The following GALK2 variants were observed in gnomAD, a reference collection of about 807,000 sequenced individuals.
GALK2 encodes the protein galactokinase 2.
A neutral mutation model predicts 52.4 loss-of-function variants in GALK2; 36 were observed. The ratio of observed to expected loss-of-function variants is 0.69; its 90% CI spans 0.53 to 0.91. The LOEUF is 0.91. Ranked by LOEUF, GALK2 falls within the 40% of genes least tolerant of loss-of-function variation. The pLI, the probability that GALK2 is intolerant of heterozygous loss-of-function variation, is 0.00. For missense variants in GALK2, 579 were observed against 559.1 expected (o/e 1.04, Z -0.36); for synonymous variants, 176 against 199.1 (o/e 0.88, Z 0.98).
chr15:49,258,794 A>ATGTG (rs35306007), intron 5 of GALK2, among the ~76,000 whole-genome samples: 7 of 103,806 alleles, frequency 6.7e-5, no homozygotes, highest in East Asian at 5.1e-4. Context: ...ATATATATAT[A>ATGTG]TGTGTGTGTG....
At chr15:49,181,453 A>G (rs191256329) in intron 1 of GALK2, among the ~76,000 whole-genome samples, 6 of 151,510 alleles carry the variant, frequency 4.0e-5, no homozygotes, top group Admixed American at 2.6e-4. Flanking sequence ...CTCCTTTCAA[A>G]GAGTACTTAG....
intron 1 of GALK2, 167 bp downstream of exon 1, chr15:49,170,542 C>A: frequency 1.6e-6 from 1 of 630,444 alleles, no homozygotes; most frequent in Non-Finnish European, 2.8e-6. Context: ...AAAAAGATCA[C>A]GCCGCAAACA....
chr15:49,357,856 A>G (rs369622549), intron 3 of GALK2, among the ~76,000 whole-genome samples: 1 of 151,996 alleles, frequency 6.6e-6, no homozygotes, highest in African/African-American at 2.4e-5. Flanking sequence ...CTGGCAAAAC[A>G]AATCCAGCAG....
chr15:49,221,633 C>T (rs751495780), intron 3 of GALK2, among the ~76,000 whole-genome samples: 6 of 151,744 alleles, frequency 4.0e-5, no homozygotes, highest in Admixed American at 1.3e-4. Flanking sequence ...TGACACTGCA[C>T]TCCAGCCTGG....
chr15:49,355,190 C>G (rs2042929537), intron 3 of GALK2, among the ~76,000 whole-genome samples: 1 of 152,124 alleles, frequency 6.6e-6, no homozygotes, highest in African/African-American at 2.4e-5. Context: ...CGCCTCTCCT[C>G]CTCCAAAGGA....
chr15:49,199,609 C>G (rs936975192), intron 1 of GALK2, among the ~76,000 whole-genome samples: 13 of 152,132 alleles, frequency 8.5e-5, no homozygotes, highest in African/African-American at 2.9e-4. Context: ...ATGAATTTAT[C>G]TTTCCTGTAT....
At chr15:49,366,693 TG>T in intron 3 of GALK2, 1 of 1,443,044 alleles carries the variant, frequency 6.9e-7, no homozygotes, top group Non-Finnish European at 9.6e-7. Flanking sequence ...ATCGGACTGG[TG>T]GGTGGCGGGT....
At chr15:49,206,344 T>G (rs1595662286) in intron 2 of GALK2, among the ~76,000 whole-genome samples, 1 of 151,958 alleles carries the variant, frequency 6.6e-6, no homozygotes. Context: ...TATAATTGTT[T>G]TTTCTAAGTC....
Position 49,367,590 on chromosome 15 carries a change from C to T in GALK2, c.*54C>T. On this transcript the variant is annotated 3_prime_UTR_variant, in exon 4 of 4. Transcript: ENST00000558399. Reference sequence around the variant, plus strand: ...AAGAGAACACGATTAAACTCTGGACCAGTACTACTATAGTGCGACTGTAAG... The same window carrying T: ...AAGAGAACACGATTAAACTCTGGACTAGTACTACTATAGTGCGACTGTAAG... 1.9e-6 allele frequency: 3 copies of T among 1,596,062 alleles called. No individual in the cohort carries two copies. In the South Asian group the frequency reaches 3.5e-5, roughly 18 times the overall value.
chr15:49,302,325 C>T (rs1200324289), intron 8 of GALK2, among the ~76,000 whole-genome samples: 2 of 152,058 alleles, frequency 1.3e-5, no homozygotes, highest in African/African-American at 4.8e-5. Context: ...TCCTTTATGG[C>T]TATTTCCCAT....
upstream of GALK2, among the ~76,000 whole-genome samples, chr15:49,168,090 T>A (rs1232892311): frequency 6.6e-6 from 1 of 152,222 alleles, no homozygotes; most frequent in Non-Finnish European, 1.5e-5. Context: ...CTGTTAATCC[T>A]GTTTTACTTT....
chr15:49,216,181 C>A lies in GALK2; in HGVS notation c.143-1009C>A, dbSNP rs555590808. Among the ~76,000 whole-genome samples the A allele has an allele frequency of 5.3e-5, 8 of 152,174 alleles. No individual in the cohort carries two copies. In the East Asian group the frequency reaches 1.5e-3, roughly 29 times the overall value. On this transcript the variant is annotated intron_variant, in intron 2 of 9. Coordinates refer to ENST00000560031, the MANE Select transcript of GALK2 (RefSeq NM_002044.4). ...GCACTGTGCTAGGTCACACCTGAAGCCTGTATAATACTGGATCTTGCCTGG... is the reference window on the plus strand; with the variant it reads ...GCACTGTGCTAGGTCACACCTGAAGACTGTATAATACTGGATCTTGCCTGG...
chr15:49,167,777 G>C (rs1417495335), upstream of GALK2, among the ~76,000 whole-genome samples: 1 of 152,204 alleles, frequency 6.6e-6, no homozygotes, highest in Admixed American at 6.5e-5. Context: ...AAGGTTTAAA[G>C]AGACAATAAT....
chr15:49,270,647 G>A (rs1413060651), intron 5 of GALK2, among the ~76,000 whole-genome samples: 1 of 152,144 alleles, frequency 6.6e-6, no homozygotes, highest in Non-Finnish European at 1.5e-5. Context: ...ACATGTCAAA[G>A]TGTTTGCGAA....
intron 2 of GALK2, among the ~76,000 whole-genome samples, chr15:49,210,175 A>G (rs1222365271): frequency 6.7e-6 from 1 of 148,520 alleles, no homozygotes; most frequent in East Asian, 1.9e-4. Context: ...TGTCACTTGT[A>G]ATGTCTCCTT....
At chr15:49,266,382 A>G (rs1247337928) in intron 5 of GALK2, among the ~76,000 whole-genome samples, 1 of 152,320 alleles carries the variant, frequency 6.6e-6, no homozygotes, top group East Asian at 1.9e-4. Context: ...GAACGGAAAC[A>G]GAGAGGGGAA....
At chr15:49,241,812 A>G (rs1170610406) in intron 5 of GALK2, among the ~76,000 whole-genome samples, 4 of 152,206 alleles carry the variant, frequency 2.6e-5, no homozygotes, top group Non-Finnish European at 5.9e-5. Flanking sequence ...GGAAGGAAAG[A>G]AGATAAAGAG....
At chr15:49,216,874 A>G (rs2089420715) in intron 2 of GALK2, among the ~76,000 whole-genome samples, 1 of 152,196 alleles carries the variant, frequency 6.6e-6, no homozygotes, top group Non-Finnish European at 1.5e-5. Flanking sequence ...GGGATCCTGT[A>G]GGCAATGCAA....
chr15:49,305,040 ATTAG>A (rs2035432399), intron 8 of GALK2, among the ~76,000 whole-genome samples: 2 of 152,160 alleles, frequency 1.3e-5, no homozygotes, highest in South Asian at 4.1e-4. Flanking sequence ...TCTTCTGTTT[ATTAG>A]TTGTTCAATT....
Sources: gnomAD v4.1 joint callset for allele counts (sites outside exome capture counted in the v4.1 genomes callset) on GRCh38, gnomAD v4.1.1 for gene constraint, MANE v1.5 for transcripts, NCBI Gene and HGNC (gene_info 2026-07-23, HGNC 2026-07-21) for gene names.